NAP1L5: variants seen among roughly 807,000 people sequenced by gnomAD.
The protein encoded by NAP1L5 is nucleosome assembly protein 1 like 5, also known as nucleosome assembly protein 1-like 5.
For synonymous variants in NAP1L5, 125 were observed against 103.6 expected, an observed-to-expected ratio of 1.21 and a Z score of -1.25; for missense variants, 249 against 246.4, an observed-to-expected ratio of 1.01 and a Z score of -0.07.
rs1357109374 is a variant in NAP1L5 at position 88,697,582 on chromosome 4, G to A, written c.173C>T (p.Pro58Leu). 1 of 1,613,860 alleles carries A rather than the reference G, an allele frequency of 6.2e-7. No homozygotes were observed. Among genetic ancestry groups the A allele is most frequent in the East Asian group, 2.2e-5 (1 of 44,870 alleles). The change falls in exon 1 of 1, where the codon CCT becomes CTT. Residue 58 changes from proline to leucine, a missense_variant. Physicochemically the swap from Pro to Leu is moderately conservative, Grantham distance 98. Transcript: ENST00000323061. Reference sequence around the variant, plus strand: ...TTTCGGCTTTGGGGCATTCTCTGCAGGGGTCTGGGGCTCCTCAGCCATCTG... The same window carrying A: ...TTTCGGCTTTGGGGCATTCTCTGCAAGGGTCTGGGGCTCCTCAGCCATCTG... ...AGQMAEEPQT[P>L]AENAPKPKND...
rs183030814 is a variant in NAP1L5 at position 88,697,179 on chromosome 4, C to T, written c.*27G>A. 3.4e-6 allele frequency: 5 copies of T among 1,467,028 alleles called. No homozygotes were observed. In the African/African-American group the frequency reaches 5.7e-5, roughly 17 times the overall value. 90.9% of individuals were successfully genotyped at this position (1,467,028 alleles called of 1,614,324 possible). On this transcript the variant is annotated 3_prime_UTR_variant, in exon 1 of 1. Coordinates refer to ENST00000323061, the MANE Select transcript of NAP1L5 (RefSeq NM_153757.4). ...AAAACCAGGCTTTTTTCTTCGTGGG[C>T]TTTCTCTTCATCCATCTCTGCCCCC...
At position 88,696,460 on chromosome 4, in the gene NAP1L5, G is replaced by A. The variant is rs888035818; in HGVS notation, c.*746C>T. On this transcript the variant is annotated 3_prime_UTR_variant, in exon 1 of 1. Transcript: ENST00000323061. ...TAAACATATTTGGGGTATTTTTTAC[G>A]TGTTTGTAAATAGACAGTACTAAGA... The A allele has an allele frequency of 6.6e-6, 1 of 152,484 alleles. No individual in the cohort carries two copies. The highest frequency in any genetic ancestry group is 1.5e-5 in the Non-Finnish European group (1 of 68,018). The allele number at this position is 152,484 out of a possible 1,614,324, so 9.4% of individuals were successfully genotyped here.
rs757009910 is a variant in NAP1L5 at position 88,697,476 on chromosome 4, C to T, written c.279G>A (p.Lys93=). The change falls in exon 1 of 1, where the codon AAG becomes AAA. Residue 93 remains lysine (K), a synonymous_variant. Transcript: ENST00000323061. ...ATTCCTTATCAAATTTGGCTTCTAT[C>T]TTATCGCATCGCTTCTGCAGCTTTT... ...ALKKLQKRCD[K]IEAKFDKEFQ... 3 of 1,614,146 alleles carry T rather than the reference C, an allele frequency of 1.9e-6. No homozygotes were observed. Among genetic ancestry groups the T allele is most frequent in the South Asian group, 1.1e-5 (1 of 91,086 alleles).
rs890518313 is a variant in NAP1L5 at position 88,697,691 on chromosome 4, C to T, written c.64G>A (p.Ala22Thr). Reference sequence around the variant, plus strand: ...CCTTCCGCCATTACCTCCTCTGCCGCTGCCTCCGCCGCTGCCGCCGCCTGG... The same window carrying T: ...CCTTCCGCCATTACCTCCTCTGCCGTTGCCTCCGCCGCTGCCGCCGCCTGG... Reference protein sequence around the residue: ...PSQAAAAAEAAAEEVMAEGGA... With the variant: ...PSQAAAAAEATAEEVMAEGGA... The change falls in exon 1 of 1, where the codon GCG becomes ACG. Residue 22 changes from alanine to threonine, a missense_variant. Physicochemically the swap from Ala to Thr is moderately conservative, Grantham distance 58 (BLOSUM62 0). Coordinates refer to ENST00000323061, the MANE Select transcript of NAP1L5 (RefSeq NM_153757.4). 1.2e-6 allele frequency: 2 copies of T among 1,611,174 alleles called. No individual in the cohort carries two copies. The highest frequency in any genetic ancestry group is 1.3e-5 in the African/African-American group (1 of 74,958).
chr4:88,697,059 A>C lies in NAP1L5; in HGVS notation c.*147T>G. The C allele has an allele frequency of 1.4e-6, 1 of 735,744 alleles. No individual in the cohort carries two copies. Among genetic ancestry groups the C allele is most frequent in the African/African-American group, 1.8e-5 (1 of 55,050 alleles). 45.6% of individuals were successfully genotyped at this position (735,744 alleles called of 1,614,324 possible). On this transcript the variant is annotated 3_prime_UTR_variant, in exon 1 of 1. Transcript: ENST00000323061. Reference sequence around the variant, plus strand: ...GAGCTGGCCAGGATCTAATTGCTTTAATTTAATCTATTTTAGGAATGTCAG... The same window carrying C: ...GAGCTGGCCAGGATCTAATTGCTTTCATTTAATCTATTTTAGGAATGTCAG...
rs768680285 is a variant in NAP1L5 at position 88,697,192 on chromosome 4, C to T, written c.*14G>A. ...TTTCTTCGTGGGCTTTCTCTTCATC[C>T]ATCTCTGCCCCCCTTACTTCTTGGC... On this transcript the variant is annotated 3_prime_UTR_variant, in exon 1 of 1. Coordinates refer to ENST00000323061, the MANE Select transcript of NAP1L5 (RefSeq NM_153757.4). 6.7e-6 allele frequency: 10 copies of T among 1,484,048 alleles called. No individual in the cohort carries two copies. The highest frequency in any genetic ancestry group is 8.9e-7 in the Non-Finnish European group (1 of 1,118,482). 91.9% of individuals were successfully genotyped at this position (1,484,048 alleles called of 1,614,324 possible). A position where few individuals can be genotyped will look rare whatever the true frequency, so the allele number is the denominator to read the frequency against.
rs570924062 is a variant in NAP1L5, at chr4:88,696,903, C to G, written c.*303G>C. ...CAAAGTGACGTTCTTTACTTCGCAT[C>G]TGCTAACACCCTTTGTAAACCTCAA... On this transcript the variant is annotated 3_prime_UTR_variant, in exon 1 of 1. Coordinates refer to ENST00000323061, the MANE Select transcript of NAP1L5 (RefSeq NM_153757.4). The G allele has an allele frequency of 4.0e-5, 13 of 322,826 alleles. No homozygotes were observed. Among genetic ancestry groups the G allele is most frequent in the Non-Finnish European group, 7.2e-5 (13 of 180,186 alleles). 20.0% of individuals were successfully genotyped at this position (322,826 alleles called of 1,614,324 possible). A position where few individuals can be genotyped will look rare whatever the true frequency, so the allele number is the denominator to read the frequency against.
At position 88,697,688 on chromosome 4, in the gene NAP1L5, C is replaced by T. The variant is rs368612480; in HGVS notation, c.67G>A (p.Ala23Thr). ...CCGCCTTCCGCCATTACCTCCTCTG[C>T]CGCTGCCTCCGCCGCTGCCGCCGCC... is the stretch of plus-strand genomic sequence containing the variant. ...SQAAAAAEAA[A>T]EEVMAEGGAQ... Residue 23 changes from alanine to threonine, a missense_variant, in exon 1 of 1, where the codon GCA becomes ACA. Coordinates refer to ENST00000323061, the MANE Select transcript of NAP1L5 (RefSeq NM_153757.4). The T allele has an allele frequency of 1.4e-5, 22 of 1,610,996 alleles. No homozygotes were observed. The highest frequency in any genetic ancestry group is 1.8e-5 in the Non-Finnish European group (21 of 1,178,826).
At position 88,697,349 on chromosome 4, in the gene NAP1L5, C is replaced by A. The variant is rs374142688; in HGVS notation, c.406G>T (p.Gly136Trp). ...EMEGCAWTLE[G>W]EEEEEEEYED... is the part of the protein sequence containing the mutation. ...TACTCCTCTTCCTCCTCCTCCTCCC[C>A]CTCCAAGGTCCATGCACACCCCTCC... is the stretch of plus-strand genomic sequence containing the variant. The change falls in exon 1 of 1, where the codon GGG becomes TGG. Residue 136 changes from glycine (G) to tryptophan (W), a missense_variant. Transcript: ENST00000323061. 6.2e-6 allele frequency: 10 copies of A among 1,613,904 alleles called. No homozygotes were observed. The highest frequency in any genetic ancestry group is 7.6e-6 in the Non-Finnish European group (9 of 1,180,010).
rs187220478 is a variant in NAP1L5 at position 88,697,328 on chromosome 4, C to T, written c.427G>A (p.Glu143Lys). The T allele has an allele frequency of 2.0e-3, 3,257 of 1,613,894 alleles. 16 individuals are homozygous for T. The highest frequency in any genetic ancestry group is 9.6e-3 in the Middle Eastern group (58 of 6,062). The change falls in exon 1 of 1, where the codon GAG becomes AAG. Residue 143 changes from glutamate (E) to lysine (K), a missense_variant. Transcript: ENST00000323061. ...CCCTCCTCCTCGTCATCCTCGTACTCCTCTTCCTCCTCCTCCTCCCCCTCC... is the reference window on the plus strand; with the variant it reads ...CCCTCCTCCTCGTCATCCTCGTACTTCTCTTCCTCCTCCTCCTCCCCCTCC... ...TLEGEEEEEE[E>K]YEDDEEEGED...
Position 88,697,055 on chromosome 4 carries a change from C to G in NAP1L5, c.*151G>C, listed in dbSNP as rs947561960. 13 of 706,856 alleles carry G rather than the reference C, an allele frequency of 1.8e-5. No individual in the cohort carries two copies. The African/African-American group carries it at 2.2e-4, about 12-fold the overall frequency. 43.8% of individuals were successfully genotyped at this position (706,856 alleles called of 1,614,324 possible). A position where few individuals can be genotyped will look rare whatever the true frequency, so the allele number is the denominator to read the frequency against. On this transcript the variant is annotated 3_prime_UTR_variant, in exon 1 of 1. Coordinates refer to ENST00000323061, the MANE Select transcript of NAP1L5 (RefSeq NM_153757.4). Reference sequence around the variant, plus strand: ...AATCGAGCTGGCCAGGATCTAATTGCTTTAATTTAATCTATTTTAGGAATG... The same window carrying G: ...AATCGAGCTGGCCAGGATCTAATTGGTTTAATTTAATCTATTTTAGGAATG...
chr4:88,696,962 G>C lies in NAP1L5; in HGVS notation c.*244C>G, dbSNP rs1350443133. ...GAAGAGACCATGAAAACATAATTTT[G>C]GGTTTAATTCAGTTTTCTTTAACAC... is the stretch of plus-strand genomic sequence containing the variant. On this transcript the variant is annotated 3_prime_UTR_variant, in exon 1 of 1. Coordinates refer to ENST00000323061, the MANE Select transcript of NAP1L5 (RefSeq NM_153757.4). 1 of 418,922 alleles carries C rather than the reference G, an allele frequency of 2.4e-6. No individual in the cohort carries two copies. The allele number at this position is 418,922 out of a possible 1,614,324, so 26.0% of individuals were successfully genotyped here.
Position 88,696,290 on chromosome 4 carries a change from C to A in NAP1L5, c.*916G>T, listed in dbSNP as rs2602122. 0.021 allele frequency: 3,281 copies of A among 152,708 alleles called. 52 individuals are homozygous for A. Among genetic ancestry groups the A allele is most frequent in the African/African-American group, 0.038 (1,575 of 41,552 alleles). 9.5% of individuals were successfully genotyped at this position (152,708 alleles called of 1,614,324 possible). A position where few individuals can be genotyped will look rare whatever the true frequency, so the allele number is the denominator to read the frequency against. On this transcript the variant is annotated 3_prime_UTR_variant, in exon 1 of 1. Coordinates refer to ENST00000323061, the MANE Select transcript of NAP1L5 (RefSeq NM_153757.4). ...AGAGTTCTGATGATTTTCACAGCTA[C>A]ACCCTAAAAGCTACATGACAGAAAG...
Position 88,697,300 on chromosome 4 carries a change from TC to T in NAP1L5, c.454del (p.Glu152LysfsTer38). 1 of 1,607,616 alleles carries T rather than the reference TC, an allele frequency of 6.2e-7. No individual in the cohort carries two copies. The highest frequency in any genetic ancestry group is 8.5e-7 in the Non-Finnish European group (1 of 1,176,568). ...CGCAGCCTCCTCCTCCTCCTCGTCT[TC>T]CCCCTCCTCCTCGTCATCCTCGTAC... is the stretch of plus-strand genomic sequence containing the variant. ...EEYEDDEEEGEDEEEEEAAAE... is the reference protein window; with the variant it reads ...EEYEDDEEEGXDEEEEEAAAE... On this transcript the variant is annotated frameshift_variant, in exon 1 of 1. Coordinates refer to ENST00000323061, the MANE Select transcript of NAP1L5 (RefSeq NM_153757.4). LOFTEE classifies it low-confidence loss of function (END_TRUNC).
Position 88,697,139 on chromosome 4 carries a change from T to C in NAP1L5, c.*67A>G, listed in dbSNP as rs1403482354. The C allele has an allele frequency of 7.0e-7, 1 of 1,423,162 alleles. No homozygotes were observed. The highest frequency in any genetic ancestry group is 9.3e-7 in the Non-Finnish European group (1 of 1,071,526). 88.2% of individuals were successfully genotyped at this position (1,423,162 alleles called of 1,614,324 possible). On this transcript the variant is annotated 3_prime_UTR_variant, in exon 1 of 1. Transcript: ENST00000323061. Reference sequence around the variant, plus strand: ...ACCTGAGCCTTTTTAAGTCCATCGATATTCTGGGAAAAACAAAACCAGGCT... The same window carrying C: ...ACCTGAGCCTTTTTAAGTCCATCGACATTCTGGGAAAAACAAAACCAGGCT...
chr4:88,697,411 G>T lies in NAP1L5; in HGVS notation c.344C>A (p.Pro115His). ...LEKKYNDIYK[P>H]LLAKIQELTG... is the part of the protein sequence containing the mutation. ...GAGCTCTTGGATCTTGGCGAGTAGG[G>T]GCTTATAGATGTCATTATACTTTTT... Residue 115 changes from proline (P) to histidine (H), a missense_variant, in exon 1 of 1, where the codon CCC becomes CAC. Coordinates refer to ENST00000323061, the MANE Select transcript of NAP1L5 (RefSeq NM_153757.4). 1 of 1,613,988 alleles carries T rather than the reference G, an allele frequency of 6.2e-7. No individual in the cohort carries two copies. The highest frequency in any genetic ancestry group is 8.5e-7 in the Non-Finnish European group (1 of 1,180,022).
chr4:88,697,763 AGAAGCCGCAGAG>A lies in NAP1L5; in HGVS notation c.-21_-10del. On this transcript the variant is annotated 5_prime_UTR_variant, in exon 1 of 1. Coordinates refer to ENST00000323061, the MANE Select transcript of NAP1L5 (RefSeq NM_153757.4). ...TTTTCCGAGTCGGCCATGTTAGAGG[AGAAGCCGCAGAG>A]GTCTAGGAGGGCTCCCGCAGAGGCC... The A allele has an allele frequency of 6.3e-7, 1 of 1,599,336 alleles. No homozygotes were observed. The highest frequency in any genetic ancestry group is 1.1e-5 in the South Asian group (1 of 89,074).
rs1734652896 is a variant in NAP1L5 at position 88,696,880 on chromosome 4, A to G, written c.*326T>C. The G allele has an allele frequency of 7.5e-6, 2 of 266,340 alleles. No individual in the cohort carries two copies. The highest frequency in any genetic ancestry group is 4.4e-5 in the African/African-American group (2 of 45,392). The allele number at this position is 266,340 out of a possible 1,614,324, so 16.5% of individuals were successfully genotyped here. ...TATGCTGTGTGATGAATGGGTTTCA[A>G]AGTGACGTTCTTTACTTCGCATCTG... On this transcript the variant is annotated 3_prime_UTR_variant, in exon 1 of 1. Transcript: ENST00000323061.
At position 88,696,928 on chromosome 4, in the gene NAP1L5, A is replaced by G. The variant is rs1734658010; in HGVS notation, c.*278T>C. On this transcript the variant is annotated 3_prime_UTR_variant, in exon 1 of 1. Transcript: ENST00000323061. ...CTGCTAACACCCTTTGTAAACCTCAATCCTCAGAGAAGAGACCATGAAAAC... is the reference window on the plus strand; with the variant it reads ...CTGCTAACACCCTTTGTAAACCTCAGTCCTCAGAGAAGAGACCATGAAAAC... 2.7e-6 allele frequency: 1 copy of G among 369,712 alleles called. No homozygotes were observed. The highest frequency in any genetic ancestry group is 4.2e-5 in the East Asian group (1 of 23,532). 22.9% of individuals were successfully genotyped at this position (369,712 alleles called of 1,614,324 possible).
Sources: gnomAD v4.1 joint callset for allele counts on GRCh38, gnomAD v4.1.1 for gene constraint, MANE v1.5 for transcripts, NCBI Gene and HGNC (gene_info 2026-07-23, HGNC 2026-07-21) for gene names.